Variants in EDNRB observed in about 807,000 individuals in gnomAD.
EDNRB encodes the protein Hirschsprung disease 2.
In EDNRB, 18 loss-of-function variants were observed where a neutral mutation model predicts 46.4. The ratio of observed to expected loss-of-function variants is 0.39; its 90% CI spans 0.27 to 0.57. EDNRB has a LOEUF of 0.57. Ranked by LOEUF, EDNRB falls within the 20% of genes least tolerant of loss-of-function variation. The pLI is 0.61. For missense variants in EDNRB, 434 were observed against 537.5 expected (o/e 0.81, Z 1.90); for synonymous variants, 213 against 204.9 (o/e 1.04, Z -0.34).
chr13:77,973,938 T>TC (rs1491549784), intron 1 of EDNRB, among the ~76,000 whole-genome samples: 1 of 77,180 alleles, frequency 1.3e-5, no homozygotes, highest in Non-Finnish European at 2.2e-5. Context: ...CCTTTTTTCC[T>TC]TTTTTTTTTT....
At chr13:77,963,141 A>G (rs989393751) in intron 1 of EDNRB, among the ~76,000 whole-genome samples, 2 of 152,218 alleles carry the variant, frequency 1.3e-5, no homozygotes, top group African/African-American at 4.8e-5. Flanking sequence ...AAATGGAAGA[A>G]CATTCCATGC....
chr13:77,921,020 C>T (rs1827327796), upstream of EDNRB, among the ~76,000 whole-genome samples: 1 of 152,142 alleles, frequency 6.6e-6, no homozygotes, highest in Admixed American at 6.5e-5. Flanking sequence ...CTCTAATCCT[C>T]ACTGAGGTCT....
chr13:77,925,364 A>AT (rs1566321307), intron 1 of EDNRB, among the ~76,000 whole-genome samples: 1 of 152,148 alleles, frequency 6.6e-6, no homozygotes, highest in African/African-American at 2.4e-5. Context: ...TGGCAGTTCT[A>AT]TTTTTTAATA....
intron 1 of EDNRB, among the ~76,000 whole-genome samples, chr13:77,940,329 T>G (rs953169947): frequency 1.8e-3 from 44 of 24,936 alleles, no homozygotes; most frequent in Admixed American, 4.5e-3. Flanking sequence ...AAGAGTTTAA[T>G]TTTTTTTTTT....
At position 77,918,682 on chromosome 13, in the gene EDNRB, C is replaced by A; in HGVS notation, c.-109G>T. 1.4e-6 allele frequency: 2 copies of A among 1,438,536 alleles called. No individual in the cohort carries two copies. Among genetic ancestry groups the A allele is most frequent in the South Asian group, 3.0e-5 (2 of 66,016 alleles). The allele number at this position is 1,438,536 out of a possible 1,614,324, so 89.1% of individuals were successfully genotyped here. On this transcript the variant is annotated 5_prime_UTR_variant, in exon 1 of 7. Transcript: ENST00000646607. The surrounding 1 kb of genome is among the most constrained non-coding windows in gnomAD (Gnocchi z 4.5). ...CTTGGGTCAGCTGCCCGAGCCAAGT[C>A]GCTGCAAACGCTAATACCGCCCGCA...
chr13:77,975,127 C>A lies in EDNRB; in HGVS notation c.-52+220G>T, dbSNP rs1881849242. Among the ~76,000 whole-genome samples the A allele has an allele frequency of 4.6e-5, 7 of 152,162 alleles. No homozygotes were observed. The South Asian group carries it at 1.2e-3, about 27-fold the overall frequency. The stretch of plus-strand genomic sequence containing the variant: ...AAGTATCAAGCAATCCAAGTCAAAT[C>A]AAAAACAGAAACCAAAGTGCCGGTA... On this transcript the variant is annotated intron_variant, in intron 1 of 7. Transcript: ENST00000646948.
intron 1 of EDNRB, among the ~76,000 whole-genome samples, chr13:77,911,934 AT>A (rs1879591871): frequency 6.6e-6 from 1 of 152,096 alleles, no homozygotes; most frequent in African/African-American, 2.4e-5. Flanking sequence ...CTTGAATCTT[AT>A]TTCAGCTCAG....
At chr13:77,962,170 A>C (rs1012063535) in intron 1 of EDNRB, among the ~76,000 whole-genome samples, 1 of 152,108 alleles carries the variant, frequency 6.6e-6, no homozygotes, top group Admixed American at 6.5e-5. Flanking sequence ...TCCAGGACCA[A>C]ATGGATTCAC....
intron 1 of EDNRB, among the ~76,000 whole-genome samples, chr13:77,952,807 G>A (rs561106315): frequency 2.1e-4 from 32 of 152,114 alleles, no homozygotes; most frequent in Admixed American, 7.2e-4. Context: ...GATTGATATT[G>A]TATACCCCAT....
At chr13:77,960,378 A>C (rs1189066343) in intron 1 of EDNRB, among the ~76,000 whole-genome samples, 14 of 152,336 alleles carry the variant, frequency 9.2e-5, no homozygotes, top group African/African-American at 3.1e-4. Context: ...GTGGGGGCCA[A>C]TATTCAACAT....
intron 1 of EDNRB, among the ~76,000 whole-genome samples, chr13:77,928,560 G>GTGTT (rs1157067203): frequency 2.0e-5 from 3 of 152,156 alleles, no homozygotes; most frequent in Admixed American, 1.3e-4. Flanking sequence ...GATCAACAAT[G>GTGTT]TGTTTGGCTT....
At chr13:77,940,892 G>C (rs1056389167) in intron 1 of EDNRB, among the ~76,000 whole-genome samples, 15 of 152,218 alleles carry the variant, frequency 9.9e-5, no homozygotes, top group Non-Finnish European at 5.9e-5. Flanking sequence ...GTCTCTGTGT[G>C]CGAGTTGAAA....
chr13:77,928,784 A>G (rs1880308764), intron 1 of EDNRB, among the ~76,000 whole-genome samples: 1 of 152,220 alleles, frequency 6.6e-6, no homozygotes, highest in Non-Finnish European at 1.5e-5. Flanking sequence ...AGAAGCAAAG[A>G]CAAAATGCCA....
At chr13:77,973,547 A>G (rs1255787596) in intron 1 of EDNRB, among the ~76,000 whole-genome samples, 2 of 152,164 alleles carry the variant, frequency 1.3e-5, no homozygotes, top group African/African-American at 4.8e-5. Context: ...TTTTTTTTCA[A>G]TTAACATTTT....
chr13:77,949,429 C>T (rs1474274495), intron 1 of EDNRB, among the ~76,000 whole-genome samples: 1 of 152,152 alleles, frequency 6.6e-6, no homozygotes, highest in Non-Finnish European at 1.5e-5. Context: ...GAGACTTGTC[C>T]ACCTTTACTC....
chr13:77,942,638 C>T (rs1029351345), intron 1 of EDNRB, among the ~76,000 whole-genome samples: 4 of 152,020 alleles, frequency 2.6e-5, no homozygotes, highest in African/African-American at 4.8e-5. Flanking sequence ...AATATGCAAA[C>T]AATAATTTAT....
chr13:77,917,049 G>T (rs1029068944), intron 1 of EDNRB, among the ~76,000 whole-genome samples: 1 of 152,058 alleles, frequency 6.6e-6, no homozygotes. Context: ...CTGGCTCTTT[G>T]TGTGTTTCTA....
In EDNRB at chr13:77,903,508, G is replaced by T; in HGVS notation, c.583C>A (p.Leu195Met). Residue 195 changes from leucine (L) to methionine (M), a missense_variant, in exon 2 of 7, where the codon CTG (leucine) becomes ATG (methionine). Coordinates refer to ENST00000646607, the MANE Select transcript of EDNRB (RefSeq NM_001122659.3). Reference protein sequence around the residue: ...VGITVLSLCALSIDRYRAVAS... With the variant: ...VGITVLSLCAMSIDRYRAVAS... ...AGAAGCTTCTACCTGTCAATACTCA[G>T]AGCACATAGACTCAGCACAGTGATT... The T allele has an allele frequency of 6.2e-7, 1 of 1,612,780 alleles. No individual in the cohort carries two copies. Among genetic ancestry groups the T allele is most frequent in the Non-Finnish European group, 8.5e-7 (1 of 1,179,230 alleles).
Position 77,896,749 on chromosome 13 carries a change from T to C in EDNRB, c.*1451A>G, listed in dbSNP as rs1878650585. On this transcript the variant is annotated 3_prime_UTR_variant, in exon 7 of 7. Coordinates refer to ENST00000646607, the MANE Select transcript of EDNRB (RefSeq NM_001122659.3). Reference sequence around the variant, plus strand: ...GGCTAAGAATGGGAATCTGTCCCCATGGGTTTCCTCCAACCCCACCTCATT... The same window carrying C: ...GGCTAAGAATGGGAATCTGTCCCCACGGGTTTCCTCCAACCCCACCTCATT... The C allele has an allele frequency of 2.2e-6, 3 of 1,370,584 alleles. No homozygotes were observed. Among genetic ancestry groups the C allele is most frequent in the African/African-American group, 1.5e-5 (1 of 67,464 alleles). The allele number at this position is 1,370,584 out of a possible 1,614,324, so 84.9% of individuals were successfully genotyped here.
Sources: gnomAD v4.1 joint callset for allele counts (sites outside exome capture counted in the v4.1 genomes callset) on GRCh38, gnomAD v4.1.1 for gene constraint, Gnocchi (gnomAD v3.1) non-coding constraint, MANE v1.5 for transcripts, NCBI Gene and HGNC (gene_info 2026-07-23, HGNC 2026-07-21) for gene names.